Variants in PLCH1 observed in about 807,000 individuals in gnomAD.
PLCH1 encodes 1-phosphatidylinositol 4,5-bisphosphate phosphodiesterase eta-1.
In PLCH1, 60 loss-of-function variants were observed where a neutral mutation model predicts 126.7. The observed-to-expected ratio is 0.47, with a 90% CI of 0.38 to 0.59. The LOEUF (loss-of-function observed/expected upper bound fraction) is 0.59. Ranked by LOEUF, PLCH1 falls within the 20% of genes least tolerant of loss-of-function variation. The pLI, the probability that PLCH1 is intolerant of heterozygous loss-of-function variation, is 0.00. For synonymous variants in PLCH1, 719 were observed against 734.9 expected (o/e 0.98, Z 0.35); for missense variants, 1,723 against 2,040.0 (o/e 0.84, Z 2.99).
chr3:155,565,190 A>G, intron 7 of PLCH1, 72 bp from the exon 8 acceptor site: 1 of 949,542 alleles, frequency 1.1e-6, no homozygotes, highest in Non-Finnish European at 1.7e-6. Context: ...GAGGGGCAAA[A>G]GGGGTCAAAA....
intron 11 of PLCH1, among the ~76,000 whole-genome samples, chr3:155,523,164 G>A (rs1410139080): frequency 6.6e-6 from 1 of 151,814 alleles, no homozygotes; most frequent in Non-Finnish European, 1.5e-5. Flanking sequence ...TTTTAGTAGA[G>A]ACGGGGTTTC....
intron 17 of PLCH1, among the ~76,000 whole-genome samples, chr3:155,493,136 T>C (rs1716508337): frequency 6.6e-6 from 1 of 152,148 alleles, no homozygotes; most frequent in Non-Finnish European, 1.5e-5. Flanking sequence ...GAAGAACAAT[T>C]ATGTCAGATT....
intron 2 of PLCH1, among the ~76,000 whole-genome samples, chr3:155,677,967 G>C (rs1005141629): frequency 6.6e-6 from 1 of 152,094 alleles, no homozygotes; most frequent in Non-Finnish European, 1.5e-5. Context: ...TCGTTCCTTT[G>C]TCTGCCCAGA....
At chr3:155,639,119 A>G (rs1335043942) in intron 2 of PLCH1, among the ~76,000 whole-genome samples, 1 of 152,136 alleles carries the variant, frequency 6.6e-6, no homozygotes, top group Non-Finnish European at 1.5e-5. Context: ...GACAAGATAT[A>G]CCACCTTGTT....
chr3:155,643,073 T>C (rs1034839603), intron 2 of PLCH1, among the ~76,000 whole-genome samples: 1 of 152,116 alleles, frequency 6.6e-6, no homozygotes, highest in African/African-American at 2.4e-5. Flanking sequence ...CTCAGCCTCC[T>C]GAGTAGCTGG....
intron 11 of PLCH1, among the ~76,000 whole-genome samples, chr3:155,519,435 C>T (rs1252797888): frequency 2.0e-5 from 3 of 152,096 alleles, no homozygotes; most frequent in Non-Finnish European, 4.4e-5. Flanking sequence ...TAAACATATT[C>T]TCATTTTGTC....
At chr3:155,463,872 A>G (rs552450916) in intron 21 of PLCH1, among the ~76,000 whole-genome samples, 6 of 152,222 alleles carry the variant, frequency 3.9e-5, no homozygotes, top group East Asian at 1.9e-4. Context: ...CCTTCTAGGC[A>G]TACAGCAAAC....
chr3:155,523,853 AC>A, intron 11 of PLCH1, 43 bp downstream of exon 11: 1 of 1,105,604 alleles, frequency 9.0e-7, no homozygotes, highest in Non-Finnish European at 1.4e-6. Context: ...CCATTTTAAT[AC>A]AGCATATCAA....
intron 9 of PLCH1, 131 bp downstream of exon 9, chr3:155,553,945 G>A: frequency 1.4e-6 from 1 of 692,352 alleles, no homozygotes; most frequent in Non-Finnish European, 2.3e-6. Flanking sequence ...TGAGAAGGAG[G>A]GAGAAAACTA....
chr3:155,524,111 G>A (rs6440997), intron 10 of PLCH1, 107 bp from the exon 11 acceptor site: 529,110 of 737,402 alleles, frequency 0.72, 200,197 homozygotes, highest in Non-Finnish European at 0.81. Flanking sequence ...TAAACAAAAC[G>A]TGTATGTACA....
At chr3:155,715,883 C>G (rs1300827308) in intron 1 of PLCH1, among the ~76,000 whole-genome samples, 2 of 152,114 alleles carry the variant, frequency 1.3e-5, no homozygotes, top group Non-Finnish European at 2.9e-5. Flanking sequence ...GGATTATAGG[C>G]CTGAGCCACT....
downstream of PLCH1, among the ~76,000 whole-genome samples, chr3:155,475,045 T>G (rs1414070473): frequency 7.0e-6 from 1 of 143,544 alleles, no homozygotes; most frequent in Non-Finnish European, 1.5e-5. Context: ...ACCTGCACAA[T>G]GTGCACATGT....
intron 2 of PLCH1, among the ~76,000 whole-genome samples, chr3:155,631,423 C>T (rs1738004757): frequency 6.6e-6 from 1 of 152,190 alleles, no homozygotes; most frequent in Non-Finnish European, 1.5e-5. Context: ...TACTTGTCAA[C>T]ATCCGGGAGA....
intron 1 of PLCH1, among the ~76,000 whole-genome samples, chr3:155,720,663 C>T (rs970848843): frequency 2.4e-4 from 37 of 152,156 alleles, no homozygotes; most frequent in African/African-American, 8.2e-4. Flanking sequence ...TTCTCCCACT[C>T]GGTGAGTTGT....
chr3:155,737,001 G>A (rs1320092819), intron 1 of PLCH1, among the ~76,000 whole-genome samples: 1 of 151,878 alleles, frequency 6.6e-6, no homozygotes, highest in Non-Finnish European at 1.5e-5. Flanking sequence ...AGGCCGAAGC[G>A]GCTGGATTGC....
intron 11 of PLCH1, among the ~76,000 whole-genome samples, chr3:155,519,222 G>A (rs1475393830): frequency 6.6e-6 from 1 of 152,074 alleles, no homozygotes; most frequent in Non-Finnish European, 1.5e-5. Context: ...CCTGCAGCAG[G>A]GACCACAGCT....
At chr3:155,523,272 G>A (rs1369538351) in intron 11 of PLCH1, among the ~76,000 whole-genome samples, 1 of 152,182 alleles carries the variant, frequency 6.6e-6, no homozygotes, top group South Asian at 2.1e-4. Flanking sequence ...CACCGCGCCA[G>A]GCCTAAATGA....
intron 2 of PLCH1, among the ~76,000 whole-genome samples, chr3:155,686,373 GA>G (rs1324973176): frequency 6.6e-6 from 1 of 152,180 alleles, no homozygotes; most frequent in Non-Finnish European, 1.5e-5. Context: ...GGCAAAAAGG[GA>G]GCAATATCCC....
chr3:155,664,632 C>T (rs1176307708), intron 2 of PLCH1, among the ~76,000 whole-genome samples: 3 of 152,166 alleles, frequency 2.0e-5, no homozygotes, highest in Non-Finnish European at 4.4e-5. Flanking sequence ...GCCCACAGGG[C>T]GTAGTTTGCC....
Sources: allele counts gnomAD v4.1 joint callset (sites outside exome capture counted in the v4.1 genomes callset), GRCh38; gene constraint gnomAD v4.1.1; transcripts MANE v1.5; gene names NCBI Gene and HGNC (gene_info 2026-07-23, HGNC 2026-07-21).